JAK1: variants seen among roughly 807,000 people sequenced by gnomAD.
The protein encoded by JAK1 is Janus kinase 1, also known as tyrosine-protein kinase JAK1.
Under a neutral mutation model 136.6 loss-of-function variants are expected in JAK1, and 16 were observed. The observed-to-expected ratio is 0.12, with a 90% CI of 0.08 to 0.18. The LOEUF (loss-of-function observed/expected upper bound fraction) is 0.18. Among genes scored for constraint, JAK1 ranks in the 10% least tolerant of loss-of-function variants. The pLI is 1.00. For missense variants in JAK1, 859 were observed against 1,450.1 expected, an observed-to-expected ratio of 0.59 and a Z score of 6.62; for synonymous variants, 492 against 519.5, an observed-to-expected ratio of 0.95 and a Z score of 0.72.
At chr1:64,965,632 C>A (rs1646359877) in intron 1 of JAK1, among the ~76,000 whole-genome samples, 1 of 152,158 alleles carries the variant, frequency 6.6e-6, no homozygotes, top group Admixed American at 6.5e-5. Flanking sequence ...TAATCAGTCC[C>A]TTTCCAGTGG....
At chr1:65,038,964 T>TGTGTGTGTG (rs1647103423) in intron 2 of JAK1, among the ~76,000 whole-genome samples, 40 of 100,140 alleles carry the variant, frequency 4.0e-4, no homozygotes, top group Admixed American at 1.3e-3. Context: ...GTGTGTGTGT[T>TGTGTGTGTG]TGTGTGTGTT....
intron 10 of JAK1, among the ~76,000 whole-genome samples, chr1:64,856,518 G>A (rs948480710): frequency 3.3e-5 from 5 of 152,252 alleles, no homozygotes; most frequent in Admixed American, 6.5e-5. Context: ...TGTTTTCCCC[G>A]GGTGATGTGA....
At chr1:64,958,715 T>C (rs1569736522) in intron 1 of JAK1, among the ~76,000 whole-genome samples, 1 of 152,340 alleles carries the variant, frequency 6.6e-6, no homozygotes, top group African/African-American at 2.4e-5. Context: ...ATAAACATTA[T>C]TTTAAATCAT....
At chr1:65,040,549 C>T (rs999546652) in intron 2 of JAK1, among the ~76,000 whole-genome samples, 9 of 152,210 alleles carry the variant, frequency 5.9e-5, no homozygotes, top group East Asian at 1.9e-4. Flanking sequence ...TTTAACATAA[C>T]GTGTTCTCAG....
chr1:64,878,991 A>G lies in JAK1; in HGVS notation c.329+34T>C, dbSNP rs767344083. On this transcript the variant is annotated intron_variant, in intron 4 of 24. Transcript: ENST00000342505. The stretch of plus-strand genomic sequence containing the variant: ...GACCACTGTCCCTCAGTGCAGAGGG[A>G]GCCAGGCAGGTACCAGGTCAGTACT... 3 of 1,611,976 alleles carry G rather than the reference A, an allele frequency of 1.9e-6. No individual in the cohort carries two copies. The Admixed American group carries it at 5.0e-5, about 27-fold the overall frequency.
chr1:64,960,312 C>T (rs892855781), intron 1 of JAK1, among the ~76,000 whole-genome samples: 7 of 152,168 alleles, frequency 4.6e-5, no homozygotes, highest in Admixed American at 4.6e-4. Flanking sequence ...GTCATTCAAC[C>T]CTCAAAACAA....
intron 17 of JAK1, among the ~76,000 whole-genome samples, chr1:64,842,273 T>C (rs1382106851): frequency 1.3e-5 from 2 of 151,822 alleles, no homozygotes; most frequent in South Asian, 2.1e-4. Context: ...AATGCAGTGA[T>C]TGCTGTTTTC....
chr1:64,944,350 TATG>T (rs1386954153), intron 1 of JAK1, among the ~76,000 whole-genome samples: 1 of 151,912 alleles, frequency 6.6e-6, no homozygotes, highest in African/African-American at 2.4e-5. Flanking sequence ...ACAAATTGAG[TATG>T]ATGACAGTGG....
intron 7 of JAK1, 95 bp downstream of exon 7, chr1:64,866,771 G>C: frequency 1.2e-6 from 1 of 867,194 alleles, no homozygotes; most frequent in African/African-American, 1.7e-5. Context: ...CTATGGGAGT[G>C]ATGGACATGC....
At chr1:64,951,839 T>A (rs913107784) in intron 1 of JAK1, among the ~76,000 whole-genome samples, 12 of 152,002 alleles carry the variant, frequency 7.9e-5, no homozygotes, top group Non-Finnish European at 1.0e-4. Context: ...TTTGTATTTT[T>A]AGTAGAGACA....
chr1:64,856,127 T>C (rs1440323140), intron 10 of JAK1, among the ~76,000 whole-genome samples: 3 of 152,196 alleles, frequency 2.0e-5, no homozygotes, highest in South Asian at 2.1e-4. Flanking sequence ...GCACAACTTC[T>C]CAAGGAACAG....
intron 1 of JAK1, among the ~76,000 whole-genome samples, chr1:64,934,509 G>A (rs1027304974): frequency 6.6e-6 from 1 of 152,192 alleles, no homozygotes; most frequent in Non-Finnish European, 1.5e-5. Flanking sequence ...AACAGTGAAG[G>A]AAGAGCTTGG....
chr1:64,947,847 T>C (rs1264204308), intron 1 of JAK1, among the ~76,000 whole-genome samples: 5 of 151,960 alleles, frequency 3.3e-5, no homozygotes, highest in Non-Finnish European at 5.9e-5. Context: ...AATACTCTTA[T>C]ACCTCTGAAG....
chr1:65,012,429 A>G (rs1009489588), intron 2 of JAK1, among the ~76,000 whole-genome samples: 3 of 152,208 alleles, frequency 2.0e-5, no homozygotes, highest in Non-Finnish European at 4.4e-5. Context: ...CAAACTAAGA[A>G]TGTTAGATTG....
chr1:64,966,312 A>C (rs1646377825), intron 1 of JAK1, 21 bp downstream of exon 1: 1 of 149,798 alleles, frequency 6.7e-6, no homozygotes, highest in African/African-American at 2.5e-5. Flanking sequence ...CGGCTCCTCC[A>C]CCTCCCCCGG....
rs1377092530 is a variant in JAK1 at position 64,834,636 on chromosome 1, A to T, written c.3391T>A (p.Cys1131Ser). Residue 1131 changes from cysteine (C) to serine (S), a missense_variant, in exon 25 of 25, where the codon TGC (cysteine) becomes AGC (serine). Around this residue, in one of 4 missense-constraint regions of JAK1, gnomAD observed 53 missense variants for 64.8 expected, o/e 0.82. Transcript: ENST00000342505. ...PDEVYQLMRK[C>S]WEFQPSNRTS... Reference sequence around the variant, plus strand: ...CGATTGGATGGTTGGAATTCCCAGCATTTCCTCATAAGTTGATAAACCTGT... The same window carrying T: ...CGATTGGATGGTTGGAATTCCCAGCTTTTCCTCATAAGTTGATAAACCTGT... The T allele has an allele frequency of 6.2e-7, 1 of 1,611,462 alleles. No individual in the cohort carries two copies. Among genetic ancestry groups the T allele is most frequent in the Admixed American group, 1.7e-5 (1 of 60,006 alleles).
chr1:65,043,700 A>ATTTTTTTTTT (rs112982943), intron 2 of JAK1, among the ~76,000 whole-genome samples: 6 of 101,244 alleles, frequency 5.9e-5, no homozygotes, highest in Non-Finnish European at 8.3e-5. Context: ...CACCTGGCTA[A>ATTTTTTTTTT]TTTTTTTTTT....
chr1:64,985,947 G>C (rs895204899), intron 2 of JAK1: 3 of 1,007,864 alleles, frequency 3.0e-6, no homozygotes, highest in African/African-American at 1.6e-5. Context: ...AGGGGTATTT[G>C]CCTTGTCCTT....
chr1:64,907,745 T>G lies in JAK1; in HGVS notation c.-77-21404A>C, dbSNP rs114410376. On this transcript the variant is annotated intron_variant, in intron 1 of 24. Coordinates refer to ENST00000342505, the MANE Select transcript of JAK1 (RefSeq NM_002227.4). ...CCCTCAGCCCTGACATGCCAGGATC[T>G]CCCTAATTTTATAGGTGGAGCCCCT... 3.0e-3 allele frequency among the ~76,000 whole-genome samples: 462 copies of G among 152,280 alleles called. 1 individual carries two copies. Among genetic ancestry groups the G allele is most frequent in the African/African-American group, 0.01 (434 of 41,542 alleles).
Sources: gnomAD v4.1 joint callset for allele counts (sites outside exome capture counted in the v4.1 genomes callset) on GRCh38, gnomAD v4.1.1 for gene constraint, gnomAD v4.1.1 regional missense constraint, MANE v1.5 for transcripts, NCBI Gene and HGNC (gene_info 2026-07-23, HGNC 2026-07-21) for gene names.